Variants in ASXL2 observed in about 807,000 individuals in gnomAD.
The protein encoded by ASXL2 is ASXL transcriptional regulator 2, also known as putative Polycomb group protein ASXL2.
A neutral mutation model predicts 122.0 loss-of-function variants in ASXL2; 23 were observed. The ratio of observed to expected loss-of-function variants is 0.19; its 90% CI spans 0.14 to 0.27. The LOEUF (loss-of-function observed/expected upper bound fraction) is 0.27. Among genes scored for constraint, ASXL2 ranks in the 10% least tolerant of loss-of-function variants. The pLI, the probability that ASXL2 is intolerant of heterozygous loss-of-function variation, is 1.00. For missense variants in ASXL2, 1,518 were observed against 1,713.8 expected (o/e 0.89, Z 2.02); for synonymous variants, 650 against 637.0 (o/e 1.02, Z -0.31).
chr2:25,819,984 A>G (rs1022378523), intron 3 of ASXL2, among the ~76,000 whole-genome samples: 3 of 152,184 alleles, frequency 2.0e-5, no homozygotes, highest in Non-Finnish European at 2.9e-5. Flanking sequence ...ATCATAGCTC[A>G]CTGCAGCCTT....
intron 2 of ASXL2, among the ~76,000 whole-genome samples, chr2:25,844,994 G>A (rs984226143): frequency 1.3e-5 from 2 of 152,078 alleles, no homozygotes; most frequent in South Asian, 4.1e-4. Context: ...CTTTGATCCT[G>A]TACTAATGGC....
chr2:25,814,418 A>G (rs979125123), intron 3 of ASXL2, among the ~76,000 whole-genome samples: 3 of 152,272 alleles, frequency 2.0e-5, no homozygotes, highest in Non-Finnish European at 4.4e-5. Context: ...TAGTACTGAG[A>G]TCAATACCAA....
At chr2:25,788,474 C>T (rs2088782018) in intron 5 of ASXL2, among the ~76,000 whole-genome samples, 1 of 152,128 alleles carries the variant, frequency 6.6e-6, no homozygotes, top group Non-Finnish European at 1.5e-5. Flanking sequence ...TGGGTATATA[C>T]ACCAGAGTAG....
rs575119812 is a variant in ASXL2, at chr2:25,834,721, T to C, written c.143+817A>G. Among the ~76,000 whole-genome samples the C allele has an allele frequency of 9.2e-5, 14 of 152,272 alleles. No homozygotes were observed. The South Asian group carries it at 2.9e-3, about 32-fold the overall frequency. On this transcript the variant is annotated intron_variant, in intron 3 of 12. Transcript: ENST00000435504. ...GGAACTGCTATAGTGGAGGTGAATCTAAAAGGCCATGCCCACACACAAAAA... is the reference window on the plus strand; with the variant it reads ...GGAACTGCTATAGTGGAGGTGAATCCAAAAGGCCATGCCCACACACAAAAA...
intron 1 of ASXL2, among the ~76,000 whole-genome samples, chr2:25,875,694 A>G (rs2090004540): frequency 6.6e-6 from 1 of 152,132 alleles, no homozygotes; most frequent in South Asian, 2.1e-4. Context: ...CTAAAACATG[A>G]TAGCTCTACA....
intron 5 of ASXL2, among the ~76,000 whole-genome samples, chr2:25,788,919 A>C (rs911891861): frequency 6.6e-6 from 1 of 151,978 alleles, no homozygotes; most frequent in African/African-American, 2.4e-5. Context: ...TGTACCCAGT[A>C]TGTTTTTTTC....
rs1254356523 is a variant in ASXL2, at chr2:25,742,587, G to T, written c.3750C>A (p.Phe1250Leu). 2.5e-6 allele frequency: 4 copies of T among 1,613,834 alleles called. No homozygotes were observed. Among genetic ancestry groups the T allele is most frequent in the African/African-American group, 2.7e-5 (2 of 74,920 alleles). ...QTTLSKENYLFTRGQTFDEKT... is the reference protein window; with the variant it reads ...QTTLSKENYLLTRGQTFDEKT... ...TTTCATCAAATGTTTGGCCTCTAGT[G>T]AACAGGTAATTCTCCTTACTTAAAG... The change falls in exon 13 of 13, where the codon TTC becomes TTA. Residue 1250 changes from phenylalanine (F) to leucine (L), a missense_variant. Physicochemically the swap from Phe to Leu is conservative, Grantham distance 22. This residue lies in a region of ASXL2 where 831 missense variants were observed against 833.1 expected (regional missense o/e 1.00). Coordinates refer to ENST00000435504, the MANE Select transcript of ASXL2 (RefSeq NM_018263.6).
In ASXL2 at chr2:25,741,938, T is replaced by C; in HGVS notation, c.*91A>G. 7.9e-7 allele frequency: 1 copy of C among 1,265,694 alleles called. No individual in the cohort carries two copies. Among genetic ancestry groups the C allele is most frequent in the Non-Finnish European group, 1.1e-6 (1 of 907,062 alleles). The allele number at this position is 1,265,694 out of a possible 1,614,324, so 78.4% of individuals were successfully genotyped here. Reference sequence around the variant, plus strand: ...TCTGAAGACAACTGAAACCTACTTGTTTATTTCTGTGATTCCAAAAGGACG... The same window carrying C: ...TCTGAAGACAACTGAAACCTACTTGCTTATTTCTGTGATTCCAAAAGGACG... On this transcript the variant is annotated 3_prime_UTR_variant, in exon 13 of 13. Transcript: ENST00000435504.
At chr2:25,866,987 G>A (rs1046165664) in intron 1 of ASXL2, among the ~76,000 whole-genome samples, 12 of 151,788 alleles carry the variant, frequency 7.9e-5, no homozygotes, top group African/African-American at 2.7e-4. Context: ...CACAACCTCC[G>A]CCTCCCAGGT....
chr2:25,860,257 G>T (rs1387401736), intron 1 of ASXL2, among the ~76,000 whole-genome samples: 1 of 151,314 alleles, frequency 6.6e-6, no homozygotes, highest in East Asian at 2.0e-4. Context: ...GTTGCAGTGG[G>T]CCGAGGTCGC....
chr2:25,795,090 C>G (rs1319908186), intron 5 of ASXL2, among the ~76,000 whole-genome samples: 2 of 152,100 alleles, frequency 1.3e-5, no homozygotes, highest in Non-Finnish European at 2.9e-5. Context: ...TTGAGAATAT[C>G]AGAGCTGCTT....
chr2:25,780,904 G>A (rs375154443), intron 5 of ASXL2, among the ~76,000 whole-genome samples: 7 of 151,954 alleles, frequency 4.6e-5, no homozygotes, highest in East Asian at 1.9e-4. Flanking sequence ...TAGCTAACAC[G>A]GTGAAACCCC....
rs1022946064 is a variant in ASXL2, at chr2:25,741,807, C to T, written c.*222G>A. The T allele has an allele frequency of 2.0e-6, 1 of 496,906 alleles. No homozygotes were observed. The highest frequency in any genetic ancestry group is 3.6e-6 in the Non-Finnish European group (1 of 280,996). 30.8% of individuals were successfully genotyped at this position (496,906 alleles called of 1,614,324 possible). On this transcript the variant is annotated 3_prime_UTR_variant, in exon 13 of 13. Coordinates refer to ENST00000435504, the MANE Select transcript of ASXL2 (RefSeq NM_018263.6). ...CATGATTTTGTAAGTGCAAACTTGT[C>T]ACAAATTCACAAAGTCTTGCTTGAC...
chr2:25,783,555 A>G (rs1381966845), intron 5 of ASXL2, among the ~76,000 whole-genome samples: 1 of 151,780 alleles, frequency 6.6e-6, no homozygotes, highest in East Asian at 1.9e-4. Flanking sequence ...AGTTTACTTT[A>G]TTATTCTTTT....
intron 3 of ASXL2, among the ~76,000 whole-genome samples, chr2:25,816,249 A>T (rs1455279366): frequency 6.6e-6 from 1 of 152,092 alleles, no homozygotes; most frequent in Non-Finnish European, 1.5e-5. Context: ...AAAAAAAAAA[A>T]AAAGTTAATA....
chr2:25,752,853 G>GA (rs70950118), intron 11 of ASXL2, among the ~76,000 whole-genome samples: 107 of 113,402 alleles, frequency 9.4e-4, no homozygotes, highest in South Asian at 5.1e-3. Context: ...CTCAAAAAAA[G>GA]AAAAAAAAAA....
At chr2:25,842,817 T>G (rs570649925) in intron 2 of ASXL2, among the ~76,000 whole-genome samples, 17 of 151,200 alleles carry the variant, frequency 1.1e-4, no homozygotes, top group East Asian at 3.9e-4. Context: ...TATATGTTTT[T>G]TTTGTTTGTT....
intron 5 of ASXL2, among the ~76,000 whole-genome samples, chr2:25,790,343 A>C: frequency 6.7e-6 from 1 of 150,008 alleles, no homozygotes; most frequent in South Asian, 2.1e-4. Flanking sequence ...GGGTGTGAGA[A>C]GCGCATGAGC....
intron 3 of ASXL2, among the ~76,000 whole-genome samples, chr2:25,828,824 C>CAAAA (rs1031358836): frequency 0.011 from 564 of 49,776 alleles, 26 homozygotes; most frequent in East Asian, 0.02. Flanking sequence ...GACTGTGTCT[C>CAAAA]AAAAAAAAAA....
Sources: gnomAD v4.1 joint callset for allele counts (sites outside exome capture counted in the v4.1 genomes callset) on GRCh38, gnomAD v4.1.1 for gene constraint, gnomAD v4.1.1 regional missense constraint, MANE v1.5 for transcripts, NCBI Gene and HGNC (gene_info 2026-07-23, HGNC 2026-07-21) for gene names.